CACNA1D: variants seen among roughly 807,000 people sequenced by gnomAD.
CACNA1D encodes the protein voltage-dependent L-type calcium channel subunit alpha-1D.
Under a neutral mutation model 257.1 loss-of-function variants are expected in CACNA1D, and 55 were observed. The ratio of observed to expected loss-of-function variants is 0.21; its 90% CI spans 0.17 to 0.27. The LOEUF is 0.27. Ranked by LOEUF, CACNA1D falls within the 10% of genes least tolerant of loss-of-function variation. CACNA1D has a pLI of 1.00. For synonymous variants in CACNA1D, 980 were observed against 1,014.9 expected (o/e 0.97, Z 0.65); for missense variants, 1,876 against 2,784.0 (o/e 0.67, Z 7.34).
intron 10 of CACNA1D, chr3:53,718,629 T>G: frequency 8.6e-7 from 1 of 1,159,078 alleles, no homozygotes; most frequent in African/African-American, 1.7e-5. Flanking sequence ...TTCCTGTAAG[T>G]AGAGCCCGTG....
At chr3:53,577,177 G>A (rs781118814) in intron 3 of CACNA1D, among the ~76,000 whole-genome samples, 4 of 152,164 alleles carry the variant, frequency 2.6e-5, no homozygotes, top group African/African-American at 9.7e-5. Flanking sequence ...CCTGGGCTTG[G>A]CTTCCTCATC....
intron 3 of CACNA1D, among the ~76,000 whole-genome samples, chr3:53,590,053 C>T (rs2093280403): frequency 6.6e-6 from 1 of 152,242 alleles, no homozygotes; most frequent in South Asian, 2.1e-4. Context: ...CTCACCTCCT[C>T]AAATCCCTTT....
chr3:53,651,400 G>A (rs2108277250), intron 4 of CACNA1D, among the ~76,000 whole-genome samples: 1 of 86,710 alleles, frequency 1.2e-5, no homozygotes, highest in Middle Eastern at 7.5e-3. Context: ...CTGACTTGCG[G>A]GAGAAACTCT....
At chr3:53,744,159 G>T (rs181480472) in intron 22 of CACNA1D, among the ~76,000 whole-genome samples, 1 of 150,888 alleles carries the variant, frequency 6.6e-6, no homozygotes, top group Admixed American at 6.6e-5. Flanking sequence ...TATTGTCCTC[G>T]CTAACCCCTA....
chr3:53,730,706 C>A, intron 16 of CACNA1D, 150 bp downstream of exon 16: 2 of 697,200 alleles, frequency 2.9e-6, no homozygotes, highest in East Asian at 2.7e-5. Flanking sequence ...CACTGCAGAC[C>A]AAAACGGATG....
intron 45 of CACNA1D, among the ~76,000 whole-genome samples, chr3:53,806,496 G>C (rs1413054942): frequency 6.6e-6 from 1 of 152,196 alleles, no homozygotes; most frequent in Non-Finnish European, 1.5e-5. Context: ...GTGCAGCCCT[G>C]GCCCCTTCCA....
At position 53,673,213 on chromosome 3, in the gene CACNA1D, G is replaced by C; in HGVS notation, c.1220+87G>C. On this transcript the variant is annotated intron_variant, in intron 8 of 47. Coordinates refer to ENST00000350061, the MANE Select transcript of CACNA1D (RefSeq NM_001128840.3). The surrounding 1 kb of genome is among the most constrained non-coding windows in gnomAD (Gnocchi z 4.1). ...AGCTTTGCTGGATGAGGGCCGCCAA[G>C]AGGGGTTGCCAGACATTTTATGTGT... 1 of 856,772 alleles carries C rather than the reference G, an allele frequency of 1.2e-6. No homozygotes were observed. The highest frequency in any genetic ancestry group is 1.9e-6 in the Non-Finnish European group (1 of 523,400). The allele number at this position is 856,772 out of a possible 1,614,324, so 53.1% of individuals were successfully genotyped here. A position where few individuals can be genotyped will look rare whatever the true frequency, so the allele number is the denominator to read the frequency against.
intron 3 of CACNA1D, among the ~76,000 whole-genome samples, chr3:53,552,773 C>T (rs1285209363): frequency 6.6e-6 from 1 of 152,290 alleles, no homozygotes; most frequent in African/African-American, 2.4e-5. Context: ...TAACATGTTA[C>T]CACTTTACCC....
At chr3:53,573,330 C>T (rs1370712769) in intron 3 of CACNA1D, among the ~76,000 whole-genome samples, 1 of 152,216 alleles carries the variant, frequency 6.6e-6, no homozygotes, top group Non-Finnish European at 1.5e-5. Context: ...ACCTTCCCCT[C>T]ACTCCTCCAC....
At chr3:53,687,570 C>T (rs912795114) in intron 8 of CACNA1D, among the ~76,000 whole-genome samples, 7 of 150,842 alleles carry the variant, frequency 4.6e-5, no homozygotes, top group African/African-American at 1.7e-4. Context: ...AAGTGTGATG[C>T]TCAGGTCATA....
At chr3:53,718,600 C>CCCCCCCA in intron 10 of CACNA1D, 1 of 1,094,854 alleles carries the variant, frequency 9.1e-7, no homozygotes, top group Non-Finnish European at 1.4e-6. Context: ...GCCCCCCGGC[C>CCCCCCCA]CAGCATTTCA....
intron 20 of CACNA1D, among the ~76,000 whole-genome samples, chr3:53,736,225 C>T (rs1175970747): frequency 6.6e-6 from 1 of 152,064 alleles, no homozygotes; most frequent in South Asian, 2.1e-4. Context: ...CCTGCAGTCC[C>T]AGCTACTCAG....
chr3:53,540,484 GTA>G lies in CACNA1D; in HGVS notation c.483+38769_483+38770del, dbSNP rs1456033744. On this transcript the variant is annotated intron_variant, in intron 3 of 47. Transcript: ENST00000350061. ...TTCCTCCACTTTGTTGGGATATGTG[GTA>G]TATAGTAAAGATTTCAAATATAGTA... is the stretch of plus-strand genomic sequence containing the variant. 2.0e-5 allele frequency among the ~76,000 whole-genome samples: 3 copies of G among 151,648 alleles called. No individual in the cohort carries two copies. In the East Asian group the frequency reaches 5.8e-4, roughly 29 times the overall value.
chr3:53,597,689 G>A lies in CACNA1D; in HGVS notation c.484-53090G>A, dbSNP rs1001519378. On this transcript the variant is annotated intron_variant, in intron 3 of 47. Coordinates refer to ENST00000350061, the MANE Select transcript of CACNA1D (RefSeq NM_001128840.3). ...TGGGAATGAGACGAGGAACACAGAC[G>A]GCACAGGTCGCTTCATGAGTTCCAG... 9.2e-5 allele frequency among the ~76,000 whole-genome samples: 14 copies of A among 152,284 alleles called. 1 individual carries two copies. The South Asian group carries it at 1.5e-3, about 16-fold the overall frequency.
intron 3 of CACNA1D, among the ~76,000 whole-genome samples, chr3:53,641,079 A>G (rs1014099066): frequency 2.6e-5 from 4 of 152,130 alleles, no homozygotes; most frequent in Non-Finnish European, 5.9e-5. Context: ...GAGTATGCAG[A>G]TATGTGGGAG....
chr3:53,804,400 C>T (rs981070241), intron 44 of CACNA1D, among the ~76,000 whole-genome samples: 12 of 152,178 alleles, frequency 7.9e-5, no homozygotes, highest in Non-Finnish European at 1.6e-4. Flanking sequence ...GCTTGGATGC[C>T]CTCACTCCGT....
intron 3 of CACNA1D, among the ~76,000 whole-genome samples, chr3:53,603,245 C>CTAA (rs1389768574): frequency 6.6e-6 from 1 of 152,188 alleles, no homozygotes; most frequent in Non-Finnish European, 1.5e-5. Flanking sequence ...CACTGAAACT[C>CTAA]TTTAGAGTGG....
intron 3 of CACNA1D, among the ~76,000 whole-genome samples, chr3:53,595,905 G>T (rs1020752642): frequency 2.0e-5 from 3 of 152,142 alleles, no homozygotes; most frequent in African/African-American, 7.2e-5. Context: ...AGGGAATGCT[G>T]GGGTGTGTAT....
In CACNA1D at chr3:53,666,426, G is replaced by A. The variant is rs1015916666; in HGVS notation, c.1007G>A (p.Gly336Asp). 16 of 1,614,072 alleles carry A rather than the reference G, an allele frequency of 9.9e-6. No homozygotes were observed. The highest frequency in any genetic ancestry group is 6.7e-5 in the Admixed American group (4 of 60,008). ...CTANGTECRSGWVGPNGGITN... is the reference protein window; with the variant it reads ...CTANGTECRSDWVGPNGGITN... ...GCCAATGGCACGGAATGTAGGAGTG[G>A]CTGGGTTGGCCCGAACGGAGGCATC... Residue 336 changes from glycine (G) to aspartate (D), a missense_variant, in exon 7 of 48, where the codon GGC becomes GAC. Transcript: ENST00000350061.
Sources: allele counts gnomAD v4.1 joint callset (sites outside exome capture counted in the v4.1 genomes callset), GRCh38; gene constraint gnomAD v4.1.1; non-coding constraint Gnocchi (gnomAD v3.1); transcripts MANE v1.5; gene names NCBI Gene and HGNC (gene_info 2026-07-23, HGNC 2026-07-21).